Variants in ANKS1B observed in about 807,000 individuals in gnomAD.
ANKS1B encodes the protein ankyrin repeat and sterile alpha motif domain-containing protein 1B.
A neutral mutation model predicts 148.3 loss-of-function variants in ANKS1B; 36 were observed. The observed-to-expected ratio is 0.24, with a 90% CI of 0.19 to 0.32. ANKS1B has a LOEUF of 0.32. ANKS1B is among the 10% of genes least tolerant of loss of function. The pLI is 1.00. For synonymous variants in ANKS1B, 542 were observed against 560.8 expected (o/e 0.97, Z 0.47); for missense variants, 1,157 against 1,542.6 (o/e 0.75, Z 4.19).
chr12:98,914,121 C>T (rs539469422), intron 17 of ANKS1B, among the ~76,000 whole-genome samples: 26 of 152,130 alleles, frequency 1.7e-4, no homozygotes, highest in Admixed American at 5.2e-4. Context: ...ATCATGGCGG[C>T]GGATCCCTTA....
At chr12:99,362,853 T>C (rs1380386343) in intron 12 of ANKS1B, among the ~76,000 whole-genome samples, 1 of 152,058 alleles carries the variant, frequency 6.6e-6, no homozygotes, top group African/African-American at 2.4e-5. Context: ...TCTAGGAGCA[T>C]GGAAATAATT....
At chr12:99,614,486 G>A (rs1196340235) in intron 9 of ANKS1B, among the ~76,000 whole-genome samples, 3 of 148,294 alleles carry the variant, frequency 2.0e-5, no homozygotes, top group East Asian at 2.0e-4. Context: ...GAAGGGGAGG[G>A]GAGGGGAGGG....
At chr12:99,742,029 C>T (rs1339636687) in intron 8 of ANKS1B, among the ~76,000 whole-genome samples, 7 of 151,894 alleles carry the variant, frequency 4.6e-5, no homozygotes, top group African/African-American at 1.5e-4. Flanking sequence ...TATGTTCTCA[C>T]TTATAAGTGG....
At chr12:99,359,119 C>T (rs973115494) in intron 12 of ANKS1B, among the ~76,000 whole-genome samples, 2 of 152,082 alleles carry the variant, frequency 1.3e-5, no homozygotes, top group Non-Finnish European at 2.9e-5. Context: ...TATATTTCAT[C>T]CATTTATTCA....
chr12:99,621,470 A>C (rs1258024117), intron 9 of ANKS1B, among the ~76,000 whole-genome samples: 1 of 151,760 alleles, frequency 6.6e-6, no homozygotes, highest in African/African-American at 2.4e-5. Context: ...GGAAAAAAAA[A>C]AAAAAAACAA....
intron 1 of ANKS1B, among the ~76,000 whole-genome samples, chr12:99,971,471 G>C (rs2095557254): frequency 6.6e-6 from 1 of 152,066 alleles, no homozygotes; most frequent in African/African-American, 2.4e-5. Flanking sequence ...TAAGTAAATA[G>C]AGCAGTTTTT....
chr12:99,158,107 GTTGT>G (rs1453547918), intron 14 of ANKS1B, among the ~76,000 whole-genome samples: 4 of 152,118 alleles, frequency 2.6e-5, no homozygotes, highest in Admixed American at 6.6e-5. Context: ...CCTGAGTCAT[GTTGT>G]TTGTTTGCGG....
chr12:99,100,537 A>G (rs2057633518), intron 15 of ANKS1B, among the ~76,000 whole-genome samples: 1 of 152,056 alleles, frequency 6.6e-6, no homozygotes, highest in South Asian at 2.1e-4. Context: ...GATTATTTTT[A>G]TTATTGTTTT....
intron 19 of ANKS1B, among the ~76,000 whole-genome samples, chr12:98,810,147 A>G (rs2153624736): frequency 6.6e-6 from 1 of 152,374 alleles, no homozygotes; most frequent in South Asian, 2.1e-4. Flanking sequence ...TCCACCAGCC[A>G]TAACTACAGC....
At chr12:99,096,522 A>G (rs955390758) in intron 15 of ANKS1B, among the ~76,000 whole-genome samples, 2 of 152,180 alleles carry the variant, frequency 1.3e-5, no homozygotes, top group African/African-American at 4.8e-5. Flanking sequence ...TAACCCCACG[A>G]AGGGCTAAAC....
At position 98,908,321 on chromosome 12, in the gene ANKS1B, C is replaced by T. The variant is rs12315648; in HGVS notation, c.2779-76185G>A. On this transcript the variant is annotated intron_variant, in intron 17 of 26. Transcript: ENST00000683438. ...CAAGCTGGATAGGACAAGAATGTTG[C>T]TACTGTTATGTCTGCTTCCATTATT... Among the ~76,000 whole-genome samples, 154 of 152,298 alleles carry T rather than the reference C, an allele frequency of 1.0e-3. 1 individual carries two copies. Among genetic ancestry groups the T allele is most frequent in the African/African-American group, 3.5e-3 (144 of 41,554 alleles).
chr12:98,926,960 T>A (rs2099809106), intron 17 of ANKS1B, among the ~76,000 whole-genome samples: 1 of 151,934 alleles, frequency 6.6e-6, no homozygotes, highest in Non-Finnish European at 1.5e-5. Context: ...TTTGAAGAAA[T>A]AACAGCTGGG....
intron 10 of ANKS1B, among the ~76,000 whole-genome samples, chr12:99,473,184 CACAG>C (rs1185547092): frequency 8.6e-5 from 13 of 151,930 alleles, no homozygotes; most frequent in African/African-American, 3.1e-4. Context: ...TTAATTATGT[CACAG>C]ACATATTGTG....
chr12:99,831,561 A>C (rs944421005), intron 1 of ANKS1B, among the ~76,000 whole-genome samples: 2 of 152,146 alleles, frequency 1.3e-5, no homozygotes, highest in African/African-American at 4.8e-5. Context: ...CACTTAGAAT[A>C]GTTATTCTCT....
chr12:99,012,008 G>A (rs2099939732), intron 17 of ANKS1B, among the ~76,000 whole-genome samples: 1 of 152,154 alleles, frequency 6.6e-6, no homozygotes, highest in Non-Finnish European at 1.5e-5. Flanking sequence ...CCCATGTTGA[G>A]GGTGGTGGAC....
intron 17 of ANKS1B, among the ~76,000 whole-genome samples, chr12:99,010,986 AC>A (rs2099939077): frequency 6.9e-6 from 1 of 145,116 alleles, no homozygotes; most frequent in South Asian, 2.2e-4. Context: ...CAAGTGATCC[AC>A]CCACCTCGGC....
chr12:99,934,623 T>G (rs1373260305), intron 1 of ANKS1B, among the ~76,000 whole-genome samples: 1 of 152,182 alleles, frequency 6.6e-6, no homozygotes, highest in African/African-American at 2.4e-5. Context: ...GTCTGTTTTT[T>G]CATCTCTGAT....
chr12:98,758,940 A>AT (rs1327349938), intron 25 of ANKS1B, among the ~76,000 whole-genome samples: 3 of 135,920 alleles, frequency 2.2e-5, no homozygotes, highest in African/African-American at 8.0e-5. Flanking sequence ...ACGCCTGGCT[A>AT]ATTTTTTTTT....
At chr12:99,681,767 T>C (rs115682268) in intron 8 of ANKS1B, among the ~76,000 whole-genome samples, 1 of 152,244 alleles carries the variant, frequency 6.6e-6, no homozygotes, top group African/African-American at 2.4e-5. Flanking sequence ...TCTGCTAATA[T>C]GACAAAACAA....
Sources: gnomAD v4.1 joint callset for allele counts (sites outside exome capture counted in the v4.1 genomes callset) on GRCh38, gnomAD v4.1.1 for gene constraint, MANE v1.5 for transcripts, NCBI Gene and HGNC (gene_info 2026-07-23, HGNC 2026-07-21) for gene names.